CUEDC1: variants seen among roughly 807,000 people sequenced by gnomAD.
CUEDC1 encodes CUE domain containing 1.
CUEDC1 carries 30 observed loss-of-function variants against 43.7 expected under a neutral mutation model. The observed-to-expected ratio is 0.69, with a 90% CI of 0.51 to 0.93. The LOEUF is 0.93. CUEDC1 is among the 40% of genes least tolerant of loss of function. The pLI, the probability that CUEDC1 is intolerant of heterozygous loss-of-function variation, is 0.00. For missense variants in CUEDC1, 486 were observed against 549.0 expected (o/e 0.89, Z 1.15); for synonymous variants, 223 against 223.6 (o/e 1.00, Z 0.02).
chr17:57,883,866 T>C (rs181497118), intron 2 of CUEDC1, among the ~76,000 whole-genome samples: 1 of 152,194 alleles, frequency 6.6e-6, no homozygotes, highest in South Asian at 2.1e-4. Context: ...ATGTCCCAGA[T>C]GGCCCTGTGG....
chr17:57,900,199 C>A (rs1191272797), intron 1 of CUEDC1, among the ~76,000 whole-genome samples: 5 of 152,202 alleles, frequency 3.3e-5, no homozygotes, highest in Non-Finnish European at 1.5e-5. Flanking sequence ...AACCAGCTTC[C>A]TTTCGCCTCC....
intron 1 of CUEDC1, among the ~76,000 whole-genome samples, chr17:57,928,442 G>A (rs545656042): frequency 3.4e-4 from 51 of 151,738 alleles, no homozygotes; most frequent in Non-Finnish European, 5.3e-4. Context: ...CCAGCTACTC[G>A]GGAGGCTGAG....
At chr17:57,885,198 G>A in intron 2 of CUEDC1, 31 bp downstream of exon 2, 1 of 1,526,510 alleles carries the variant, frequency 6.6e-7, no homozygotes, top group Non-Finnish European at 8.8e-7. Context: ...TCCTCCAGTG[G>A]TGGTTGGAAT....
chr17:57,866,292 T>C (rs375182159), intron 10 of CUEDC1, among the ~76,000 whole-genome samples, 182 bp downstream of exon 10: 2 of 152,190 alleles, frequency 1.3e-5, no homozygotes, highest in African/African-American at 2.4e-5. Context: ...AAAAAAGACA[T>C]GCAATGAACT....
At chr17:57,939,701 G>A (rs2074898466) in intron 1 of CUEDC1, among the ~76,000 whole-genome samples, 1 of 152,068 alleles carries the variant, frequency 6.6e-6, no homozygotes, top group Non-Finnish European at 1.5e-5. Flanking sequence ...CCTGGCCCCA[G>A]CTGACTGGCC....
intron 1 of CUEDC1, among the ~76,000 whole-genome samples, chr17:57,921,888 G>C (rs760629126): frequency 6.6e-6 from 1 of 152,204 alleles, no homozygotes; most frequent in Admixed American, 6.5e-5. Context: ...CAAGATGGGC[G>C]TATCACTTGA....
rs967003351 is a variant in CUEDC1, at chr17:57,885,782, C to T, written c.-218G>A. ...GGCAGCCCTTGGAGAGCGGTCCTCG[C>T]GGGGCGGTGGCATGCGGGACCGGGC... On this transcript the variant is annotated 5_prime_UTR_variant, in exon 2 of 11. Coordinates refer to ENST00000577830, the MANE Select transcript of CUEDC1 (RefSeq NM_001271875.2). 89 of 595,836 alleles carry T rather than the reference C, an allele frequency of 1.5e-4. 1 individual carries two copies. The East Asian group carries it at 3.5e-3, about 24-fold the overall frequency. 36.9% of individuals were successfully genotyped at this position (595,836 alleles called of 1,614,324 possible).
intron 1 of CUEDC1, among the ~76,000 whole-genome samples, chr17:57,923,575 T>A (rs539114453): frequency 6.6e-6 from 1 of 152,308 alleles, no homozygotes; most frequent in South Asian, 2.1e-4. Flanking sequence ...TGGCTGGATG[T>A]CCCAGCCAGA....
At chr17:57,941,845 G>C (rs2074919536) in intron 1 of CUEDC1, among the ~76,000 whole-genome samples, 1 of 152,208 alleles carries the variant, frequency 6.6e-6, no homozygotes. Context: ...ATTAACAGTA[G>C]CCACTGCTGA....
At chr17:57,950,203 T>C in intron 1 of CUEDC1, among the ~76,000 whole-genome samples, 1 of 152,082 alleles carries the variant, frequency 6.6e-6, no homozygotes, top group South Asian at 2.1e-4. Flanking sequence ...CAGGCTGGAG[T>C]GTAGTGGCGC....
chr17:57,952,945 AG>A (rs1385507515), intron 1 of CUEDC1, among the ~76,000 whole-genome samples: 6 of 152,220 alleles, frequency 3.9e-5, no homozygotes, highest in Admixed American at 1.3e-4. Flanking sequence ...GAGCCAAGAA[AG>A]GAAAGGCAGG....
rs547119994 is a variant in CUEDC1 at position 57,886,546 on chromosome 17, G to T, written c.-315-667C>A. ...CTTGCAGAGCCTCGGGCTAATAGGGGAGGCCCAGTTCCCACTCTTGGAAAA... is the reference window on the plus strand; with the variant it reads ...CTTGCAGAGCCTCGGGCTAATAGGGTAGGCCCAGTTCCCACTCTTGGAAAA... On this transcript the variant is annotated intron_variant, in intron 1 of 10. Coordinates refer to ENST00000577830, the MANE Select transcript of CUEDC1 (RefSeq NM_001271875.2). 7.9e-5 allele frequency among the ~76,000 whole-genome samples: 12 copies of T among 152,320 alleles called. No homozygotes were observed. The South Asian group carries it at 2.5e-3, about 32-fold the overall frequency.
intron 1 of CUEDC1, among the ~76,000 whole-genome samples, chr17:57,926,962 G>A (rs959617382): frequency 2.6e-5 from 4 of 152,174 alleles, no homozygotes; most frequent in Non-Finnish European, 5.9e-5. Context: ...AGGAGGAAAC[G>A]TAGGGAGGTT....
At chr17:57,933,289 G>A (rs1463349273) in intron 1 of CUEDC1, among the ~76,000 whole-genome samples, 2 of 151,962 alleles carry the variant, frequency 1.3e-5, no homozygotes, top group South Asian at 2.1e-4. Flanking sequence ...AACAATGTCT[G>A]TAACTTTATA....
chr17:57,916,789 A>G (rs1283268934), intron 1 of CUEDC1, among the ~76,000 whole-genome samples: 1 of 152,218 alleles, frequency 6.6e-6, no homozygotes, highest in African/African-American at 2.4e-5. Context: ...CACTTACTTT[A>G]CAAAAGGATT....
rs1290882799 is a variant in CUEDC1 at position 57,873,617 on chromosome 17, G to C, written c.565C>G (p.Leu189Val). The C allele has an allele frequency of 6.2e-7, 1 of 1,600,128 alleles. No homozygotes were observed. Among genetic ancestry groups the C allele is most frequent in the East Asian group, 2.3e-5 (1 of 43,714 alleles). ...GNLPDDFLRI[L>V]PQQLDSIQGN... ...TGTATGCTGTCCAGCTGCTGGGGCA[G>C]GATGCGGAGAAAGTCATCCGGAAGG... The change falls in exon 4 of 11, where the codon CTG (leucine) becomes GTG (valine). Residue 189 changes from leucine to valine, a missense_variant. Physicochemically the swap from Leu to Val is conservative, Grantham distance 32 (BLOSUM62 1). Transcript: ENST00000577830.
intron 2 of CUEDC1, among the ~76,000 whole-genome samples, chr17:57,883,421 A>T (rs1459701169): frequency 1.6e-4 from 24 of 152,222 alleles, no homozygotes; most frequent in Admixed American, 1.5e-3. Flanking sequence ...GTTTGTGAGG[A>T]TTAGAAGAGA....
chr17:57,916,469 AG>A (rs1193829864), intron 1 of CUEDC1, among the ~76,000 whole-genome samples: 1 of 152,234 alleles, frequency 6.6e-6, no homozygotes, highest in Non-Finnish European at 1.5e-5. Context: ...CCCAAAGCAA[AG>A]GCAACACAAA....
intron 1 of CUEDC1, among the ~76,000 whole-genome samples, chr17:57,911,749 CGCCCTCTTCT>C (rs1567714743): frequency 6.6e-6 from 1 of 152,162 alleles, no homozygotes; most frequent in African/African-American, 2.4e-5. Flanking sequence ...TCAAGTGATC[CGCCCTCTTCT>C]GCCTCCCAAA....
Sources: gnomAD v4.1 joint callset for allele counts (sites outside exome capture counted in the v4.1 genomes callset) on GRCh38, gnomAD v4.1.1 for gene constraint, MANE v1.5 for transcripts, NCBI Gene and HGNC (gene_info 2026-07-23, HGNC 2026-07-21) for gene names.